Variants in MB21D2 observed in about 807,000 individuals in gnomAD.
The protein encoded by MB21D2 is Mab-21 domain containing 2, also known as nucleotidyltransferase MB21D2.
In MB21D2, 9 loss-of-function variants were observed where a neutral mutation model predicts 33.3. The observed-to-expected ratio is 0.27, with a 90% CI of 0.16 to 0.47. The LOEUF (loss-of-function observed/expected upper bound fraction) is 0.47, where lower values mean the gene tolerates loss of function less well. Ranked by LOEUF, MB21D2 falls within the 20% of genes least tolerant of loss-of-function variation. The pLI is 0.99. For synonymous variants in MB21D2, 241 were observed against 236.3 expected (o/e 1.02, Z -0.18); for missense variants, 540 against 624.6 (o/e 0.86, Z 1.44).
intron 1 of MB21D2, among the ~76,000 whole-genome samples, chr3:192,915,182 C>G (rs1303657886): frequency 2.0e-5 from 3 of 152,158 alleles, no homozygotes; most frequent in Admixed American, 1.3e-4. Flanking sequence ...CACCCTCCAC[C>G]CCCCCGCCCT....
intron 1 of MB21D2, among the ~76,000 whole-genome samples, chr3:192,850,717 CCT>C (rs138365773): frequency 5.5e-4 from 84 of 152,284 alleles, no homozygotes; most frequent in African/African-American, 1.9e-3. Context: ...GCCTAGATCC[CCT>C]GTGATGCCTC....
chr3:192,840,756 T>A (rs1712552860), intron 1 of MB21D2, among the ~76,000 whole-genome samples: 2 of 152,192 alleles, frequency 1.3e-5, no homozygotes, highest in Admixed American at 6.5e-5. Flanking sequence ...GATAGGCAAC[T>A]GCTGAACAGA....
At chr3:192,829,486 C>T (rs983367126) in intron 1 of MB21D2, among the ~76,000 whole-genome samples, 4 of 152,212 alleles carry the variant, frequency 2.6e-5, no homozygotes, top group Non-Finnish European at 4.4e-5. Context: ...ATTCTGCATT[C>T]CTACCAGCCA....
chr3:192,917,033 G>T (rs908742351), intron 1 of MB21D2, among the ~76,000 whole-genome samples: 1 of 152,242 alleles, frequency 6.6e-6, no homozygotes, highest in Non-Finnish European at 1.5e-5. Flanking sequence ...AATCAAAGTT[G>T]CAGGAACTCC....
intron 1 of MB21D2, among the ~76,000 whole-genome samples, chr3:192,843,913 C>T (rs917107544): frequency 3.3e-5 from 5 of 152,132 alleles, no homozygotes; most frequent in African/African-American, 4.8e-5. Flanking sequence ...CCTCTTGAAA[C>T]GTATGCTCCG....
At chr3:192,832,854 A>G (rs895155479) in intron 1 of MB21D2, among the ~76,000 whole-genome samples, 1 of 152,132 alleles carries the variant, frequency 6.6e-6, no homozygotes, top group African/African-American at 2.4e-5. Context: ...CTTTTAAATC[A>G]ATCAATAAAA....
At chr3:192,857,551 T>C (rs1712944396) in intron 1 of MB21D2, among the ~76,000 whole-genome samples, 1 of 152,136 alleles carries the variant, frequency 6.6e-6, no homozygotes. Context: ...AGCGTGCGCA[T>C]CTTGCCGAAC....
intron 1 of MB21D2, among the ~76,000 whole-genome samples, chr3:192,909,271 A>T (rs186956827): frequency 0.065 from 9,759 of 151,162 alleles, 461 homozygotes; most frequent in African/African-American, 0.13. Context: ...AAAAAAATAA[A>T]AAATAAAAAA....
In MB21D2 at chr3:192,799,106, G is replaced by A. The variant is rs777140751; in HGVS notation, c.756C>T (p.Leu252=). The change falls in exon 2 of 2, where the codon CTC becomes CTT. Residue 252 remains leucine, a synonymous_variant. Transcript: ENST00000392452. The surrounding 1 kb of genome is among the most constrained non-coding windows in gnomAD (Gnocchi z 4.1). ...TCCCATCCCAAAAGTGGTTCTCCAT[G>A]AGCCAGCTCTGGGCCACTGCAGGCC... ...KGWPAVAQSW[L]MENHFWDGKI... is the part of the protein sequence containing the mutation. 6.2e-7 allele frequency: 1 copy of A among 1,614,124 alleles called. No individual in the cohort carries two copies. Among genetic ancestry groups the A allele is most frequent in the Non-Finnish European group, 8.5e-7 (1 of 1,180,014 alleles).
intron 1 of MB21D2, among the ~76,000 whole-genome samples, chr3:192,838,963 G>C (rs1441670457): frequency 6.6e-6 from 1 of 152,142 alleles, no homozygotes; most frequent in Non-Finnish European, 1.5e-5. Flanking sequence ...TGAGTTACAA[G>C]TCAAAAAAGC....
At chr3:192,815,498 C>T (rs1482609709) in intron 1 of MB21D2, among the ~76,000 whole-genome samples, 1 of 152,196 alleles carries the variant, frequency 6.6e-6, no homozygotes, top group Non-Finnish European at 1.5e-5. Flanking sequence ...GAGTCTGCCT[C>T]TCTCTCAATT....
intron 1 of MB21D2, among the ~76,000 whole-genome samples, chr3:192,877,555 T>C (rs1713458734): frequency 1.3e-5 from 2 of 152,218 alleles, no homozygotes; most frequent in African/African-American, 4.8e-5. Context: ...TGGCCACCAG[T>C]GTCAGTGACT....
chr3:192,909,852 A>T (rs1714301741), intron 1 of MB21D2, among the ~76,000 whole-genome samples: 1 of 146,760 alleles, frequency 6.8e-6, no homozygotes, highest in Non-Finnish European at 1.5e-5. Flanking sequence ...GAATCACTGG[A>T]ACCCGGGAAG....
At chr3:192,903,037 G>A (rs1714137127) in intron 1 of MB21D2, among the ~76,000 whole-genome samples, 1 of 152,196 alleles carries the variant, frequency 6.6e-6, no homozygotes, top group South Asian at 2.1e-4. Context: ...TGCCTATGAG[G>A]CTATTTATTT....
intron 1 of MB21D2, among the ~76,000 whole-genome samples, chr3:192,893,360 A>G (rs906948024): frequency 6.6e-5 from 10 of 151,836 alleles, no homozygotes; most frequent in African/African-American, 2.4e-4. Flanking sequence ...CATCATTTCA[A>G]AAGTATAGCT....
At chr3:192,862,453 T>C (rs1203464374) in intron 1 of MB21D2, among the ~76,000 whole-genome samples, 3 of 152,186 alleles carry the variant, frequency 2.0e-5, no homozygotes, top group East Asian at 1.9e-4. Flanking sequence ...TGCCCAAATA[T>C]ACAAATTTGC....
rs1051860302 is a variant in MB21D2, at chr3:192,917,808, T to C, written c.33A>G (p.Ala11=). Residue 11 remains alanine, a synonymous_variant, in exon 1 of 2, where the codon GCA becomes GCG. Coordinates refer to ENST00000392452, the MANE Select transcript of MB21D2 (RefSeq NM_178496.4). MKMAAPTANK[A]ASLGCNNKPA... ...GCTTGTTGTTACAGCCCAGGGAGGC[T>C]GCCTTGTTGGCGGTGGGAGCCGCCA... 5.6e-6 allele frequency: 9 copies of C among 1,611,584 alleles called. No homozygotes were observed. The African/African-American group carries it at 8.0e-5, about 14-fold the overall frequency.
intron 1 of MB21D2, among the ~76,000 whole-genome samples, chr3:192,884,235 TCTC>T: frequency 6.6e-6 from 1 of 152,106 alleles, no homozygotes; most frequent in Non-Finnish European, 1.5e-5. Flanking sequence ...TTCCTTAACT[TCTC>T]CACCATTCAA....
intron 1 of MB21D2, among the ~76,000 whole-genome samples, chr3:192,896,184 T>C (rs1713969306): frequency 6.6e-6 from 1 of 152,164 alleles, no homozygotes; most frequent in South Asian, 2.1e-4. Flanking sequence ...AATTAAAAGA[T>C]GAAACATTCT....
Sources: allele counts gnomAD v4.1 joint callset (sites outside exome capture counted in the v4.1 genomes callset), GRCh38; gene constraint gnomAD v4.1.1; non-coding constraint Gnocchi (gnomAD v3.1); transcripts MANE v1.5; gene names NCBI Gene and HGNC (gene_info 2026-07-23, HGNC 2026-07-21).